The following DPYD variants were observed in gnomAD, a reference collection of about 807,000 sequenced individuals.
DPYD encodes the protein dihydropyrimidine dehydrogenase [NADP(+)].
Under a neutral mutation model 116.2 loss-of-function variants are expected in DPYD, and 109 were observed. The observed-to-expected ratio is 0.94, with a 90% CI of 0.80 to 1.10. DPYD has a LOEUF of 1.10. DPYD is among the 50% of genes least tolerant of loss of function. The pLI, the probability that DPYD is intolerant of heterozygous loss-of-function variation, is 0.00. For missense variants in DPYD, 1,302 were observed against 1,254.5 expected (o/e 1.04, Z -0.57); for synonymous variants, 440 against 432.0 (o/e 1.02, Z -0.23).
At chr1:97,124,476 A>G (rs914122149) in intron 20 of DPYD, among the ~76,000 whole-genome samples, 3 of 152,112 alleles carry the variant, frequency 2.0e-5, no homozygotes, top group Non-Finnish European at 4.4e-5. Flanking sequence ...AAACAAAAGG[A>G]CTAGATTTAT....
chr1:97,491,491 T>TCAGAAGA (rs1678975218), intron 13 of DPYD, among the ~76,000 whole-genome samples: 2 of 151,952 alleles, frequency 1.3e-5, no homozygotes, highest in Non-Finnish European at 2.9e-5. Context: ...TTCATTTCCT[T>TCAGAAGA]TTTTAAGCTG....
chr1:97,276,381 G>C (rs761464063), intron 18 of DPYD, among the ~76,000 whole-genome samples: 3 of 152,094 alleles, frequency 2.0e-5, no homozygotes, highest in Non-Finnish European at 4.4e-5. Context: ...TACAGAATGG[G>C]AGGAAATATT....
intron 3 of DPYD, among the ~76,000 whole-genome samples, chr1:97,783,374 T>C (rs570519456): frequency 6.6e-6 from 1 of 152,248 alleles, no homozygotes; most frequent in South Asian, 2.1e-4. Flanking sequence ...TTTGTTATTT[T>C]ATTTTATTTT....
chr1:97,265,271 C>T (rs1664157188), intron 18 of DPYD: 1 of 152,156 alleles, frequency 6.6e-6, no homozygotes. Flanking sequence ...AATGTCATTT[C>T]TCAAAGACAT....
intron 20 of DPYD, among the ~76,000 whole-genome samples, chr1:97,152,985 G>C (rs779868850): frequency 3.9e-5 from 6 of 152,046 alleles, no homozygotes; most frequent in Non-Finnish European, 7.4e-5. Flanking sequence ...AAAAACACTA[G>C]AGGAGTTCAT....
Position 97,550,103 on chromosome 1 carries a change from A to T in DPYD, c.1340-359T>A, listed in dbSNP as rs75615748. ...TTTATTCATAGCCATCATTTTTACA[A>T]ATCTGTTACTACTTATATTATCCCC... is the stretch of plus-strand genomic sequence containing the variant. On this transcript the variant is annotated intron_variant, in intron 11 of 22. Transcript: ENST00000370192. Among the ~76,000 whole-genome samples, 7 of 152,300 alleles carry T rather than the reference A, an allele frequency of 4.6e-5. No homozygotes were observed. The East Asian group carries it at 7.7e-4, about 17-fold the overall frequency.
chr1:97,247,125 C>G (rs1027353985), intron 18 of DPYD, among the ~76,000 whole-genome samples: 8 of 152,088 alleles, frequency 5.3e-5, no homozygotes, highest in Non-Finnish European at 1.0e-4. Flanking sequence ...TGGAAGAGAA[C>G]AAGTGTTCCA....
At chr1:97,495,915 T>A (rs1037164970) in intron 13 of DPYD, among the ~76,000 whole-genome samples, 6 of 152,146 alleles carry the variant, frequency 3.9e-5, no homozygotes, top group Non-Finnish European at 8.8e-5. Flanking sequence ...TTTTAATAAC[T>A]GCAGGTCCTT....
intron 19 of DPYD, among the ~76,000 whole-genome samples, chr1:97,231,232 T>C (rs61786275): frequency 4.6e-5 from 7 of 152,192 alleles, no homozygotes; most frequent in Non-Finnish European, 1.0e-4. Flanking sequence ...ATTACTAATA[T>C]TCCCGTCTTA....
At chr1:97,920,400 T>C (rs548932067) in intron 1 of DPYD, among the ~76,000 whole-genome samples, 5 of 152,300 alleles carry the variant, frequency 3.3e-5, no homozygotes, top group Admixed American at 1.3e-4. Context: ...AGGCGACTGC[T>C]ACAGCTGACA....
intron 18 of DPYD, among the ~76,000 whole-genome samples, chr1:97,258,524 G>A (rs1049447607): frequency 6.6e-6 from 1 of 152,024 alleles, no homozygotes; most frequent in African/African-American, 2.4e-5. Context: ...CTCCTTCTTT[G>A]TCTCATATTT....
chr1:97,673,573 A>G (rs1429110113), intron 8 of DPYD, among the ~76,000 whole-genome samples: 1 of 152,194 alleles, frequency 6.6e-6, no homozygotes, highest in African/African-American at 2.4e-5. Context: ...TCAATGAAGA[A>G]AGCAGACAGA....
chr1:97,093,971 A>C (rs186116207), intron 21 of DPYD, among the ~76,000 whole-genome samples: 1 of 151,986 alleles, frequency 6.6e-6, no homozygotes, highest in Admixed American at 6.6e-5. Context: ...TCTCTCCCAA[A>C]CATATGCAAG....
rs535326410 is a variant in DPYD, at chr1:97,090,722, C to T, written c.2766+7767G>A. On this transcript the variant is annotated intron_variant, in intron 21 of 22. Coordinates refer to ENST00000370192, the MANE Select transcript of DPYD (RefSeq NM_000110.4). ...AGACTATGAGCTCCATAAGGATAGA[C>T]GTCTTTCTTTTTAAAATTCACGTTG... Among the ~76,000 whole-genome samples, 16 of 152,226 alleles carry T rather than the reference C, an allele frequency of 1.1e-4. No homozygotes were observed. The East Asian group carries it at 1.7e-3, about 17-fold the overall frequency.
At chr1:97,182,215 G>A (rs1657694322) in intron 20 of DPYD, among the ~76,000 whole-genome samples, 1 of 152,038 alleles carries the variant, frequency 6.6e-6, no homozygotes, top group Admixed American at 6.6e-5. Flanking sequence ...TTCTAAGGAG[G>A]AATAATCACA....
At position 97,213,357 on chromosome 1, in the gene DPYD, T is replaced by C. The variant is rs532531347; in HGVS notation, c.2443-20109A>G. On this transcript the variant is annotated intron_variant, in intron 19 of 22. Coordinates refer to ENST00000370192, the MANE Select transcript of DPYD (RefSeq NM_000110.4). ...CACATACAAGTTAACCATGATAATT[T>C]TTTTATTATCATAATTTGCAAAGTG... Among the ~76,000 whole-genome samples the C allele has an allele frequency of 3.9e-5, 6 of 152,312 alleles. No individual in the cohort carries two copies. The East Asian group carries it at 1.2e-3, about 29-fold the overall frequency.
intron 2 of DPYD, among the ~76,000 whole-genome samples, chr1:97,847,583 T>C (rs1415015302): frequency 1.3e-5 from 2 of 152,182 alleles, no homozygotes; most frequent in East Asian, 1.9e-4. Context: ...AGCCTGACTC[T>C]ATTTATTGAC....
At chr1:97,329,544 C>T (rs140010859) in intron 16 of DPYD, among the ~76,000 whole-genome samples, 20 of 151,506 alleles carry the variant, frequency 1.3e-4, no homozygotes, top group African/African-American at 4.8e-4. Flanking sequence ...GTCAGGAGTT[C>T]GAGACCAGCC....
chr1:97,683,926 G>A (rs1311968873), intron 7 of DPYD, among the ~76,000 whole-genome samples: 2 of 152,080 alleles, frequency 1.3e-5, no homozygotes, highest in South Asian at 2.1e-4. Flanking sequence ...ACACATGGAT[G>A]CTGACAAAGA....
Sources: allele counts gnomAD v4.1 joint callset (sites outside exome capture counted in the v4.1 genomes callset), GRCh38; gene constraint gnomAD v4.1.1; transcripts MANE v1.5; gene names NCBI Gene and HGNC (gene_info 2026-07-23, HGNC 2026-07-21).